Variants in PAPSS1 observed in about 807,000 individuals in gnomAD.
The protein encoded by PAPSS1 is bifunctional 3'-phosphoadenosine 5'-phosphosulfate synthase 1.
PAPSS1 carries 50 observed loss-of-function variants against 72.0 expected under a neutral mutation model. The observed-to-expected ratio is 0.69, with a 90% CI of 0.55 to 0.88. PAPSS1 has a LOEUF of 0.88. PAPSS1 is among the 40% of genes least tolerant of loss of function. The probability of loss-of-function intolerance (pLI) is 0.00; values close to 1 mark genes in which losing one functional copy is unlikely to be tolerated. For synonymous variants in PAPSS1, 261 were observed against 263.6 expected (o/e 0.99, Z 0.09); for missense variants, 657 against 782.2 (o/e 0.84, Z 1.91).
intron 5 of PAPSS1, among the ~76,000 whole-genome samples, chr4:107,670,846 G>C (rs1211155368): frequency 6.6e-6 from 1 of 152,126 alleles, no homozygotes; most frequent in Non-Finnish European, 1.5e-5. Flanking sequence ...CATATGCCAG[G>C]TATAAATCAT....
Position 107,654,786 on chromosome 4 carries a change from A to G in PAPSS1, c.1010T>C (p.Ile337Thr). 6.2e-7 allele frequency: 1 copy of G among 1,614,068 alleles called. No homozygotes were observed. Among genetic ancestry groups the G allele is most frequent in the Non-Finnish European group, 8.5e-7 (1 of 1,179,950 alleles). Residue 337 changes from isoleucine to threonine, a missense_variant, in exon 8 of 12, where the codon ATT becomes ACT. Coordinates refer to ENST00000265174, the MANE Select transcript of PAPSS1 (RefSeq NM_005443.5). Reference protein sequence around the residue: ...ALMYEGRRVAILRNPEFFEHR... With the variant: ...ALMYEGRRVATLRNPEFFEHR... Reference sequence around the variant, plus strand: ...CTCAAAAAACTCTGGATTGCGAAGAATGGCCACACGGCGGCCCTCATACAT... The same window carrying G: ...CTCAAAAAACTCTGGATTGCGAAGAGTGGCCACACGGCGGCCCTCATACAT...
intron 4 of PAPSS1, among the ~76,000 whole-genome samples, chr4:107,685,972 A>G (rs956280647): frequency 2.0e-5 from 3 of 152,126 alleles, no homozygotes; most frequent in South Asian, 2.1e-4. Context: ...ATCTTTAGTT[A>G]GTTTTTTTGT....
rs1726943457 is a variant in PAPSS1, at chr4:107,654,606, A to G, written c.1101+89T>C. 1.4e-5 allele frequency: 14 copies of G among 1,021,246 alleles called. 1 individual carries two copies. The highest frequency in any genetic ancestry group is 1.1e-4 in the South Asian group (8 of 72,636). The allele number at this position is 1,021,246 out of a possible 1,614,324, so 63.3% of individuals were successfully genotyped here. ...ACTATGCAAAATATTAACAATTCCA[A>G]TGAAAAGTCAATACACAGAAAATGC... On this transcript the variant is annotated intron_variant, in intron 8 of 11. Coordinates refer to ENST00000265174, the MANE Select transcript of PAPSS1 (RefSeq NM_005443.5).
Position 107,679,124 on chromosome 4 carries a change from C to G in PAPSS1, c.669+2891G>C, listed in dbSNP as rs555240801. Among the ~76,000 whole-genome samples, 3 of 152,204 alleles carry G rather than the reference C, an allele frequency of 2.0e-5. No individual in the cohort carries two copies. The East Asian group carries it at 5.8e-4, about 29-fold the overall frequency. ...GGAAGGAGCACTGAGAAAAACCCAC[C>G]TCAAGACTCAGGAGCACAGGTCACG... On this transcript the variant is annotated intron_variant, in intron 5 of 11. Coordinates refer to ENST00000265174, the MANE Select transcript of PAPSS1 (RefSeq NM_005443.5).
intron 11 of PAPSS1, among the ~76,000 whole-genome samples, chr4:107,628,303 A>G (rs1038005765): frequency 6.6e-6 from 1 of 152,238 alleles, no homozygotes; most frequent in Admixed American, 6.5e-5. Context: ...CTTTCTCCAG[A>G]CAACTTATCA....
intron 7 of PAPSS1, among the ~76,000 whole-genome samples, chr4:107,656,482 C>G (rs1053047465): frequency 6.6e-6 from 1 of 151,642 alleles, no homozygotes; most frequent in Admixed American, 6.6e-5. Context: ...CATTTTTAGC[C>G]ACATATTTCA....
chr4:107,655,777 T>C (rs533649659), intron 7 of PAPSS1, among the ~76,000 whole-genome samples: 3 of 152,286 alleles, frequency 2.0e-5, no homozygotes, highest in African/African-American at 4.8e-5. Flanking sequence ...ATAGGTAGAT[T>C]TGCACCAAGC....
At chr4:107,671,478 T>C (rs914107413) in intron 5 of PAPSS1, among the ~76,000 whole-genome samples, 1 of 152,120 alleles carries the variant, frequency 6.6e-6, no homozygotes, top group Admixed American at 6.5e-5. Flanking sequence ...ATGTCTGAAG[T>C]ATCTGGAATT....
At chr4:107,677,543 CTGGAGAGGATG>C (rs774986072) in intron 5 of PAPSS1, among the ~76,000 whole-genome samples, 45 of 152,128 alleles carry the variant, frequency 3.0e-4, no homozygotes, top group East Asian at 2.9e-3. Flanking sequence ...ACAACAGGTG[CTGGAGAGGATG>C]TGGAGAAATA....
intron 1 of PAPSS1, among the ~76,000 whole-genome samples, chr4:107,715,168 G>T (rs1578442000): frequency 6.6e-6 from 1 of 152,184 alleles, no homozygotes; most frequent in East Asian, 1.9e-4. Flanking sequence ...TTGAAACGTG[G>T]TTACTGCAAC....
At chr4:107,675,826 C>T (rs1727627325) in intron 5 of PAPSS1, among the ~76,000 whole-genome samples, 2 of 152,148 alleles carry the variant, frequency 1.3e-5, no homozygotes, top group South Asian at 4.1e-4. Context: ...CATCAAAAAG[C>T]TTATCCACCA....
chr4:107,654,688 T>C lies in PAPSS1; in HGVS notation c.1101+7A>G. 6.2e-7 allele frequency: 1 copy of C among 1,609,998 alleles called. No individual in the cohort carries two copies. The highest frequency in any genetic ancestry group is 1.1e-5 in the South Asian group (1 of 90,840). Reference sequence around the variant, plus strand: ...CAAGATAAAATGCAGCGAGGTTTTTTCAGCACCTTAATATAGGGGTGGTTC... The same window carrying C: ...CAAGATAAAATGCAGCGAGGTTTTTCCAGCACCTTAATATAGGGGTGGTTC... On this transcript the variant is annotated splice_region_variant and intron_variant, in intron 8 of 11. Coordinates refer to ENST00000265174, the MANE Select transcript of PAPSS1 (RefSeq NM_005443.5).
intron 11 of PAPSS1, among the ~76,000 whole-genome samples, chr4:107,626,517 G>A (rs1210144474): frequency 6.6e-6 from 1 of 152,150 alleles, no homozygotes; most frequent in Non-Finnish European, 1.5e-5. Flanking sequence ...TTCCTTTAGT[G>A]CCTATTATAA....
intron 11 of PAPSS1, among the ~76,000 whole-genome samples, chr4:107,618,371 T>C (rs1725876255): frequency 6.7e-6 from 1 of 148,612 alleles, no homozygotes; most frequent in Non-Finnish European, 1.5e-5. Flanking sequence ...AGTTGAGATG[T>C]GATTTTTTTT....
At chr4:107,647,891 G>A (rs887162799) in intron 9 of PAPSS1, among the ~76,000 whole-genome samples, 2 of 152,114 alleles carry the variant, frequency 1.3e-5, no homozygotes, top group African/African-American at 4.8e-5. Flanking sequence ...GCTTCTCTTA[G>A]CCACATCTCT....
At chr4:107,673,350 G>A (rs1445041752) in intron 5 of PAPSS1, among the ~76,000 whole-genome samples, 1 of 152,138 alleles carries the variant, frequency 6.6e-6, no homozygotes, top group Non-Finnish European at 1.5e-5. Context: ...AATAACCAAT[G>A]CAGAGAAGTC....
intron 5 of PAPSS1, among the ~76,000 whole-genome samples, chr4:107,679,511 C>T (rs1339864694): frequency 6.6e-6 from 1 of 152,024 alleles, no homozygotes; most frequent in African/African-American, 2.4e-5. Flanking sequence ...ATGACATAAA[C>T]ACTACCTCAA....
chr4:107,665,612 C>T (rs2110326445), intron 5 of PAPSS1, among the ~76,000 whole-genome samples: 1 of 152,216 alleles, frequency 6.6e-6, no homozygotes. Flanking sequence ...CTCAGGGAGG[C>T]CCTAGGAGTC....
At chr4:107,632,408 C>T (rs1414248093) in intron 10 of PAPSS1, among the ~76,000 whole-genome samples, 1 of 150,898 alleles carries the variant, frequency 6.6e-6, no homozygotes, top group Non-Finnish European at 1.5e-5. Context: ...AAAAAAAAAA[C>T]CCTGTTGGAT....
Sources: allele counts gnomAD v4.1 joint callset (sites outside exome capture counted in the v4.1 genomes callset), GRCh38; gene constraint gnomAD v4.1.1; transcripts MANE v1.5; gene names NCBI Gene and HGNC (gene_info 2026-07-23, HGNC 2026-07-21).